The following RWDD1 variants were observed in gnomAD, a reference collection of about 807,000 sequenced individuals.
RWDD1 encodes RWD domain containing 1.
RWDD1 carries 17 observed loss-of-function variants against 31.6 expected under a neutral mutation model. The observed-to-expected ratio is 0.54, with a 90% CI of 0.37 to 0.81. The LOEUF (loss-of-function observed/expected upper bound fraction) is 0.81, where lower values mean the gene tolerates loss of function less well. Among genes scored for constraint, RWDD1 ranks in the 30% least tolerant of loss-of-function variants. The pLI is 0.00. For synonymous variants in RWDD1, 78 were observed against 94.2 expected (o/e 0.83, Z 0.99); for missense variants, 204 against 274.5 (o/e 0.74, Z 1.82).
chr6:116,588,514 G>T (rs1054539840), intron 3 of RWDD1, among the ~76,000 whole-genome samples: 1 of 151,900 alleles, frequency 6.6e-6, no homozygotes, highest in Non-Finnish European at 1.5e-5. Flanking sequence ...GCAGTTCATT[G>T]TCACAGCTCT....
chr6:116,578,846 A>C (rs746409754), intron 1 of RWDD1, among the ~76,000 whole-genome samples: 5 of 151,704 alleles, frequency 3.3e-5, no homozygotes, highest in Non-Finnish European at 7.4e-5. Context: ...AATTAAAATG[A>C]AGACATCTAT....
chr6:116,581,857 A>G (rs1370368022), intron 2 of RWDD1, among the ~76,000 whole-genome samples: 3 of 152,048 alleles, frequency 2.0e-5, no homozygotes, highest in African/African-American at 7.2e-5. Flanking sequence ...TTCTAAGCAC[A>G]GTATCATAAT....
At chr6:116,589,036 G>A (rs1026159523) in intron 4 of RWDD1, 51 bp downstream of exon 4, 1 of 1,188,930 alleles carries the variant, frequency 8.4e-7, no homozygotes, top group Non-Finnish European at 1.1e-6. Flanking sequence ...TCAGTTTTCA[G>A]TTGCTTGGTT....
intron 3 of RWDD1, among the ~76,000 whole-genome samples, chr6:116,585,669 A>G (rs574205454): frequency 1.3e-5 from 2 of 152,306 alleles, no homozygotes; most frequent in East Asian, 1.9e-4. Flanking sequence ...TGTTATAGAA[A>G]TATCTGGAGC....
chr6:116,585,624 C>G (rs1308690508), intron 3 of RWDD1, among the ~76,000 whole-genome samples: 1 of 152,060 alleles, frequency 6.6e-6, no homozygotes, highest in African/African-American at 2.4e-5. Flanking sequence ...ATGTGACTTA[C>G]ATATTCTAAA....
chr6:116,590,555 C>A, intron 5 of RWDD1, 151 bp downstream of exon 5: 1 of 1,029,928 alleles, frequency 9.7e-7, no homozygotes, highest in Non-Finnish European at 1.4e-6. Flanking sequence ...GATGATGTTT[C>A]TCCACTCATA....
chr6:116,581,156 A>G (rs1204228757), intron 2 of RWDD1, among the ~76,000 whole-genome samples: 1 of 152,124 alleles, frequency 6.6e-6, no homozygotes, highest in Non-Finnish European at 1.5e-5. Context: ...GAATACATTT[A>G]TTTACTACCA....
At position 116,593,203 on chromosome 6, in the gene RWDD1, T is replaced by C. The variant is rs1221342390; in HGVS notation, c.*102T>C. 10 of 1,158,192 alleles carry C rather than the reference T, an allele frequency of 8.6e-6. No homozygotes were observed. The highest frequency in any genetic ancestry group is 1.2e-5 in the Non-Finnish European group (10 of 852,980). The allele number at this position is 1,158,192 out of a possible 1,614,324, so 71.7% of individuals were successfully genotyped here. A position where few individuals can be genotyped will look rare whatever the true frequency, so the allele number is the denominator to read the frequency against. On this transcript the variant is annotated 3_prime_UTR_variant, in exon 7 of 7. Coordinates refer to ENST00000466444, the MANE Select transcript of RWDD1 (RefSeq NM_015952.4). ...TCTTTTTTTCTAAGAAAAAATTATT[T>C]TCAGGAGAATATTCTTCTGATAGCT... is the stretch of plus-strand genomic sequence containing the variant.
In RWDD1 at chr6:116,597,340, C is replaced by T. The variant is rs1053353570; in HGVS notation, c.*4239C>T. On this transcript the variant is annotated 3_prime_UTR_variant, in exon 7 of 7. Coordinates refer to ENST00000466444, the MANE Select transcript of RWDD1 (RefSeq NM_015952.4). ...GTTATATTTAGTTTTGTTCTTCCAC[C>T]TTTTGGCTATTTCTACTACATATTT... The T allele has an allele frequency of 8.6e-5, 13 of 152,020 alleles. No homozygotes were observed. The highest frequency in any genetic ancestry group is 1.6e-4 in the Non-Finnish European group (11 of 67,984). The allele number at this position is 152,020 out of a possible 1,614,324, so 9.4% of individuals were successfully genotyped here. A position where few individuals can be genotyped will look rare whatever the true frequency, so the allele number is the denominator to read the frequency against.
rs1433411552 is a variant in RWDD1, at chr6:116,596,429, A to G, written c.*3328A>G. 1 of 152,244 alleles carries G rather than the reference A, an allele frequency of 6.6e-6. No homozygotes were observed. The highest frequency in any genetic ancestry group is 1.5e-5 in the Non-Finnish European group (1 of 68,050). The allele number at this position is 152,244 out of a possible 1,614,324, so 9.4% of individuals were successfully genotyped here. On this transcript the variant is annotated 3_prime_UTR_variant, in exon 7 of 7. Transcript: ENST00000466444. ...GGCCTCCATTGGTGAAGTTTCAAGTAACCTTTCACTTAAGTTACTTGTGTC... is the reference window on the plus strand; with the variant it reads ...GGCCTCCATTGGTGAAGTTTCAAGTGACCTTTCACTTAAGTTACTTGTGTC...
Position 116,580,310 on chromosome 6 carries a change from C to A in RWDD1, c.89C>A (p.Pro30Gln). The change falls in exon 2 of 7, where the codon CCA becomes CAA. Residue 30 changes from proline (P) to glutamine (Q), a missense_variant. Physicochemically the swap from Pro to Gln is moderately conservative, Grantham distance 76. Coordinates refer to ENST00000466444, the MANE Select transcript of RWDD1 (RefSeq NM_015952.4). ...PDSFTVLSENPPSFTITVTSE... is the reference protein window; with the variant it reads ...PDSFTVLSENQPSFTITVTSE... ...TTTCTTGCAGTATTATCAGAAAATC[C>A]ACCCAGCTTCACCATTACTGTGACG... 1 of 1,598,152 alleles carries A rather than the reference C, an allele frequency of 6.3e-7. No individual in the cohort carries two copies. Among genetic ancestry groups the A allele is most frequent in the Non-Finnish European group, 8.5e-7 (1 of 1,169,938 alleles).
chr6:116,576,243 C>T (rs1166412069), intron 1 of RWDD1, among the ~76,000 whole-genome samples: 1 of 152,164 alleles, frequency 6.6e-6, no homozygotes, highest in East Asian at 1.9e-4. Context: ...AATTGTAAAA[C>T]AAACATATGA....
In RWDD1 at chr6:116,571,552, G is replaced by C; in HGVS notation, c.-31G>C. On this transcript the variant is annotated 5_prime_UTR_variant, in exon 1 of 7. Transcript: ENST00000466444. Reference sequence around the variant, plus strand: ...GCTGCTGCGCGCCGCCTAGGTGTCTGGGCGATCTATGGGCAAGAGCAAGGG... The same window carrying C: ...GCTGCTGCGCGCCGCCTAGGTGTCTCGGCGATCTATGGGCAAGAGCAAGGG... The C allele has an allele frequency of 1.0e-5, 16 of 1,607,552 alleles. No individual in the cohort carries two copies. Among genetic ancestry groups the C allele is most frequent in the Non-Finnish European group, 1.4e-5 (16 of 1,176,886 alleles).
chr6:116,583,901 T>C (rs1364039982), intron 2 of RWDD1, among the ~76,000 whole-genome samples: 1 of 152,180 alleles, frequency 6.6e-6, no homozygotes, highest in Non-Finnish European at 1.5e-5. Flanking sequence ...GTGCTTTTTT[T>C]CCCCGTCCAT....
Position 116,571,671 on chromosome 6 carries a change from G to GC in RWDD1, c.73+17dup. 2 of 1,602,790 alleles carry GC rather than the reference G, an allele frequency of 1.2e-6. No homozygotes were observed. Among genetic ancestry groups the GC allele is most frequent in the Non-Finnish European group, 8.5e-7 (1 of 1,175,390 alleles). ...TCCTTCACAGGTGACTCCCGCGGCC[G>GC]CAAGCCTGTAGCCGCCCCGAGGTGG... On this transcript the variant is annotated intron_variant, in intron 1 of 6. Transcript: ENST00000466444.
chr6:116,583,979 C>T (rs1272449185), intron 2 of RWDD1, among the ~76,000 whole-genome samples: 1 of 152,078 alleles, frequency 6.6e-6, no homozygotes, highest in Non-Finnish European at 1.5e-5. Flanking sequence ...GTGAGTTACA[C>T]AAAAGATGGC....
intron 1 of RWDD1, among the ~76,000 whole-genome samples, chr6:116,574,667 T>TCTCTCTCTCTCTCTTCCTTCCTTC (rs1491179536): frequency 8.3e-6 from 1 of 119,806 alleles, no homozygotes; most frequent in African/African-American, 3.3e-5. Flanking sequence ...TTTCTTTCTT[T>TCTCTCTCTCTCTCTTCCTTCCTTC]CTCTCTCTCT....
rs1423269983 is a variant in RWDD1, at chr6:116,595,902, G to C, written c.*2801G>C. 1 of 152,170 alleles carries C rather than the reference G, an allele frequency of 6.6e-6. No homozygotes were observed. Among genetic ancestry groups the C allele is most frequent in the Non-Finnish European group, 1.5e-5 (1 of 68,012 alleles). 9.4% of individuals were successfully genotyped at this position (152,170 alleles called of 1,614,324 possible). ...AGGCAACACGTCTAAATGGTTATGT[G>C]AACATTTCCCAGTTGGGGTAAAACT... On this transcript the variant is annotated 3_prime_UTR_variant, in exon 7 of 7. Coordinates refer to ENST00000466444, the MANE Select transcript of RWDD1 (RefSeq NM_015952.4).
intron 1 of RWDD1, among the ~76,000 whole-genome samples, chr6:116,574,645 T>C (rs1774802314): frequency 7.7e-6 from 1 of 129,516 alleles, no homozygotes; most frequent in Non-Finnish European, 1.6e-5. Flanking sequence ...GGCCAACAAC[T>C]TACTTTCTTT....
Sources: gnomAD v4.1 joint callset for allele counts (sites outside exome capture counted in the v4.1 genomes callset) on GRCh38, gnomAD v4.1.1 for gene constraint, MANE v1.5 for transcripts, NCBI Gene and HGNC (gene_info 2026-07-23, HGNC 2026-07-21) for gene names.